The following RBFOX1 variants were observed in gnomAD, a reference collection of about 807,000 sequenced individuals.
RBFOX1 encodes the protein RNA binding fox-1 homolog 1, also known as RNA binding protein fox-1 homolog 1.
Under a neutral mutation model 57.7 loss-of-function variants are expected in RBFOX1, and 8 were observed. That is an observed-to-expected ratio of 0.14 (90% CI 0.08 to 0.25). The LOEUF (loss-of-function observed/expected upper bound fraction) is 0.25. RBFOX1 is among the 10% of genes least tolerant of loss of function. The pLI is 1.00. For synonymous variants in RBFOX1, 326 were observed against 222.4 expected (o/e 1.47, Z -4.15); for missense variants, 611 against 548.5 (o/e 1.11, Z -1.14).
chr16:7,032,113 T>C (rs1331900369), intron 3 of RBFOX1, among the ~76,000 whole-genome samples: 1 of 152,054 alleles, frequency 6.6e-6, no homozygotes, highest in Non-Finnish European at 1.5e-5. Context: ...AATCAGAGAA[T>C]TTCATTATTA....
chr16:5,732,683 G>T (rs2052423687), intron 3 of RBFOX1, among the ~76,000 whole-genome samples: 1 of 152,170 alleles, frequency 6.6e-6, no homozygotes, highest in African/African-American at 2.4e-5. Context: ...GTTAATCTAA[G>T]ATCACATCTA....
At chr16:6,969,824 C>A (rs1051684960) in intron 3 of RBFOX1, among the ~76,000 whole-genome samples, 4 of 152,146 alleles carry the variant, frequency 2.6e-5, no homozygotes, top group African/African-American at 9.7e-5. Flanking sequence ...CATCCTCGTT[C>A]TGGCCCTAAT....
intron 1 of RBFOX1, among the ~76,000 whole-genome samples, chr16:5,338,286 T>G (rs572213425): frequency 6.6e-6 from 1 of 152,272 alleles, no homozygotes; most frequent in East Asian, 1.9e-4. Context: ...GATGGACACA[T>G]GATCAAGCTG....
At chr16:5,860,228 G>T (rs962930405) in intron 3 of RBFOX1, among the ~76,000 whole-genome samples, 6 of 152,036 alleles carry the variant, frequency 3.9e-5, no homozygotes, top group African/African-American at 1.2e-4. Flanking sequence ...GATTACAGAC[G>T]CATGCCACCA....
intron 4 of RBFOX1, among the ~76,000 whole-genome samples, chr16:7,140,195 C>CTCTCTCTCTCA (rs2073358684): frequency 1.3e-5 from 1 of 74,666 alleles, no homozygotes; most frequent in Non-Finnish European, 3.0e-5. Flanking sequence ...TCTCTCTCTC[C>CTCTCTCTCTCA]CTCCTTCTCC....
At chr16:7,469,287 C>T (rs537934399) in intron 4 of RBFOX1, among the ~76,000 whole-genome samples, 13 of 152,092 alleles carry the variant, frequency 8.5e-5, no homozygotes, top group African/African-American at 4.8e-5. Flanking sequence ...TGGTCTCGAA[C>T]CCCTGACCTC....
Position 6,339,834 on chromosome 16 carries a change from C to A in RBFOX1, c.-64+22777C>A, listed in dbSNP as rs542821774. Among the ~76,000 whole-genome samples, 7 of 151,616 alleles carry A rather than the reference C, an allele frequency of 4.6e-5. No homozygotes were observed. The East Asian group carries it at 1.4e-3, about 30-fold the overall frequency. ...TACAGGTGCCTGCCACCATGCCCAG[C>A]TGATTTTTTTTTATTTCTATTTTTA... On this transcript the variant is annotated intron_variant, in intron 2 of 15. Transcript: ENST00000550418.
chr16:6,348,680 G>T (rs2085780693), intron 2 of RBFOX1, among the ~76,000 whole-genome samples: 1 of 152,130 alleles, frequency 6.6e-6, no homozygotes, highest in Admixed American at 6.5e-5. Flanking sequence ...AGGACTGAGG[G>T]TGGGGAGCGT....
At chr16:6,156,091 C>G (rs1333141819) in intron 1 of RBFOX1, among the ~76,000 whole-genome samples, 1 of 152,140 alleles carries the variant, frequency 6.6e-6, no homozygotes, top group Non-Finnish European at 1.5e-5. Flanking sequence ...TCAAGACCTC[C>G]CCTTTGTTTA....
At chr16:5,673,076 A>C (rs1229002077) in intron 3 of RBFOX1, among the ~76,000 whole-genome samples, 1 of 152,082 alleles carries the variant, frequency 6.6e-6, no homozygotes, top group African/African-American at 2.4e-5. Context: ...GTTTGGAAGT[A>C]TGTCTAGCGG....
intron 3 of RBFOX1, among the ~76,000 whole-genome samples, chr16:6,820,340 C>A (rs2091048688): frequency 6.6e-6 from 1 of 152,092 alleles, no homozygotes; most frequent in Non-Finnish European, 1.5e-5. Flanking sequence ...TCTTTTGATT[C>A]CCTAATGGAT....
intron 3 of RBFOX1, among the ~76,000 whole-genome samples, chr16:5,631,758 T>A (rs1413170225): frequency 6.6e-6 from 1 of 152,142 alleles, no homozygotes. Flanking sequence ...TTACTGAGTA[T>A]TTATTCAATG....
At chr16:5,788,516 C>G (rs776421921) in intron 3 of RBFOX1, among the ~76,000 whole-genome samples, 1 of 152,228 alleles carries the variant, frequency 6.6e-6, no homozygotes, top group South Asian at 2.1e-4. Flanking sequence ...GAAGTCCCAG[C>G]TAGTTGGGAG....
At chr16:5,656,793 CT>C (rs2049445114) in intron 3 of RBFOX1, among the ~76,000 whole-genome samples, 1 of 152,112 alleles carries the variant, frequency 6.6e-6, no homozygotes, top group Non-Finnish European at 1.5e-5. Context: ...TTTATCCAGT[CT>C]ATCATTGATG....
At chr16:5,403,276 G>T (rs1011476673) in intron 1 of RBFOX1, among the ~76,000 whole-genome samples, 7 of 151,398 alleles carry the variant, frequency 4.6e-5, no homozygotes, top group Admixed American at 6.6e-5. Flanking sequence ...CTTGAGCCTG[G>T]GAGGTGGAGT....
At chr16:6,440,100 C>G (rs1211641391) in intron 2 of RBFOX1, among the ~76,000 whole-genome samples, 2 of 151,796 alleles carry the variant, frequency 1.3e-5, no homozygotes, top group Non-Finnish European at 2.9e-5. Context: ...CCATGCCTGG[C>G]TAATTTTTGT....
intron 2 of RBFOX1, among the ~76,000 whole-genome samples, chr16:5,536,925 T>C (rs906739418): frequency 6.6e-6 from 1 of 152,166 alleles, no homozygotes; most frequent in Admixed American, 6.5e-5. Flanking sequence ...ATGGGCTGGT[T>C]TACATTGCTT....
chr16:7,294,509 G>A (rs931938840), intron 4 of RBFOX1, among the ~76,000 whole-genome samples: 1 of 148,528 alleles, frequency 6.7e-6, no homozygotes, highest in African/African-American at 2.5e-5. Context: ...AATGATGATA[G>A]GAAAGTGTTG....
At chr16:7,006,889 C>T (rs1047273730) in intron 3 of RBFOX1, among the ~76,000 whole-genome samples, 1 of 152,204 alleles carries the variant, frequency 6.6e-6, no homozygotes. Flanking sequence ...CTTTGTTCTG[C>T]CTTTAACATC....
Sources: gnomAD v4.1 joint callset for allele counts (sites outside exome capture counted in the v4.1 genomes callset) on GRCh38, gnomAD v4.1.1 for gene constraint, MANE v1.5 for transcripts, NCBI Gene and HGNC (gene_info 2026-07-23, HGNC 2026-07-21) for gene names.